Variants in SORBS2 observed in about 807,000 individuals in gnomAD.
SORBS2 encodes the protein sorbin and SH3 domain-containing protein 2.
A neutral mutation model predicts 97.7 loss-of-function variants in SORBS2; 46 were observed. The observed-to-expected ratio is 0.47, with a 90% confidence interval of 0.37 to 0.60. The LOEUF is 0.60. Ranked by LOEUF, SORBS2 falls within the 20% of genes least tolerant of loss-of-function variation. SORBS2 has a pLI of 0.00. For missense variants in SORBS2, 1,316 were observed against 1,282.3 expected (o/e 1.03, Z -0.40); for synonymous variants, 476 against 473.4 (o/e 1.01, Z -0.07).
At position 185,850,973 on chromosome 4, in the gene SORBS2, G is replaced by A. The variant is rs547761760; in HGVS notation, c.-337-75607C>T. On this transcript the variant is annotated intron_variant, in intron 1 of 20. Transcript: ENST00000284776. ...ACCTATCTATCTCCCGCCCTCAGATGTTGGTGCTTCTGGTTCTTGGGCTCT... is the reference window on the plus strand; with the variant it reads ...ACCTATCTATCTCCCGCCCTCAGATATTGGTGCTTCTGGTTCTTGGGCTCT... 1.1e-3 allele frequency among the ~76,000 whole-genome samples: 163 copies of A among 152,296 alleles called. 1 individual carries two copies. The highest frequency in any genetic ancestry group is 6.6e-4 in the Non-Finnish European group (45 of 68,032).
chr4:185,677,150 A>G (rs759679979), intron 4 of SORBS2: 2 of 1,551,704 alleles, frequency 1.3e-6, no homozygotes, highest in South Asian at 2.4e-5. Flanking sequence ...GAATGGAAAG[A>G]GATGCTGTGT....
intron 2 of SORBS2, among the ~76,000 whole-genome samples, chr4:185,767,381 T>A (rs2098941073): frequency 7.2e-6 from 1 of 138,718 alleles, no homozygotes. Context: ...GCGCCTGTAG[T>A]TCCAGTTACT....
chr4:185,937,319 T>C (rs1265278231), intron 1 of SORBS2, among the ~76,000 whole-genome samples: 2 of 152,222 alleles, frequency 1.3e-5, no homozygotes, highest in African/African-American at 4.8e-5. Flanking sequence ...GGCAATTTCT[T>C]GAAACTTCTG....
chr4:185,762,354 T>C (rs2098900492), intron 2 of SORBS2, among the ~76,000 whole-genome samples: 1 of 152,150 alleles, frequency 6.6e-6, no homozygotes, highest in African/African-American at 2.4e-5. Flanking sequence ...TTCTTGGAAA[T>C]GTGAGTCTGG....
chr4:185,942,985 A>G (rs1001564937), intron 1 of SORBS2, among the ~76,000 whole-genome samples: 5 of 152,224 alleles, frequency 3.3e-5, no homozygotes, highest in South Asian at 2.1e-4. Flanking sequence ...AATAATTAGG[A>G]TATGAGAAAA....
chr4:185,639,071 G>T, intron 4 of SORBS2, 36 bp from the exon 14 acceptor site: 1 of 1,492,674 alleles, frequency 6.7e-7, no homozygotes, highest in Non-Finnish European at 8.9e-7. Context: ...TGGTTCATTA[G>T]ATGGAGGCTC....
intron 1 of SORBS2, among the ~76,000 whole-genome samples, chr4:185,923,407 C>T (rs1394451815): frequency 6.6e-6 from 1 of 151,894 alleles, no homozygotes; most frequent in South Asian, 2.1e-4. Flanking sequence ...ATCCTCCTGC[C>T]TCAGCCTCCT....
chr4:185,786,560 G>A (rs1024966739), intron 1 of SORBS2, among the ~76,000 whole-genome samples: 1 of 152,198 alleles, frequency 6.6e-6, no homozygotes, highest in African/African-American at 2.4e-5. Context: ...AAGAACTGAG[G>A]GTTTGGAACC....
chr4:185,720,388 A>G (rs1047012989), intron 2 of SORBS2, among the ~76,000 whole-genome samples: 5 of 152,208 alleles, frequency 3.3e-5, no homozygotes, highest in African/African-American at 9.6e-5. Context: ...ATTTTACATT[A>G]AACTCTGTAT....
intron 1 of SORBS2, among the ~76,000 whole-genome samples, chr4:185,891,190 G>A (rs545818706): frequency 2.0e-5 from 3 of 152,258 alleles, no homozygotes; most frequent in South Asian, 2.1e-4. Flanking sequence ...AAAAAAGTAA[G>A]TGGACTTTAG....
At chr4:185,590,603 T>C (rs1326123298) in intron 13 of SORBS2, among the ~76,000 whole-genome samples, 1 of 152,190 alleles carries the variant, frequency 6.6e-6, no homozygotes, top group African/African-American at 2.4e-5. Flanking sequence ...TAAAAAAGAA[T>C]TATTGATAGA....
At chr4:185,752,293 T>A (rs2098804994) in intron 2 of SORBS2, among the ~76,000 whole-genome samples, 1 of 152,198 alleles carries the variant, frequency 6.6e-6, no homozygotes, top group Non-Finnish European at 1.5e-5. Flanking sequence ...TTTACTTATA[T>A]GAGACAGAGT....
intron 1 of SORBS2, among the ~76,000 whole-genome samples, chr4:185,831,124 C>T (rs568013681): frequency 5.3e-5 from 8 of 152,258 alleles, no homozygotes; most frequent in African/African-American, 1.7e-4. Context: ...TACACTTGAT[C>T]GTACACTCTA....
intron 1 of SORBS2, among the ~76,000 whole-genome samples, chr4:185,890,176 C>A (rs192394590): frequency 2.0e-5 from 3 of 152,292 alleles, no homozygotes; most frequent in Admixed American, 6.5e-5. Context: ...TGTGAGCCAC[C>A]GCACCTGGAC....
chr4:185,908,639 T>C (rs1444987486), intron 1 of SORBS2, among the ~76,000 whole-genome samples: 5 of 151,826 alleles, frequency 3.3e-5, no homozygotes, highest in Middle Eastern at 3.2e-3. Flanking sequence ...CAGGAGACAA[T>C]CTTCTAGACC....
chr4:185,915,553 A>G (rs1285192963), intron 1 of SORBS2, among the ~76,000 whole-genome samples: 2 of 151,894 alleles, frequency 1.3e-5, no homozygotes, highest in East Asian at 3.9e-4. Flanking sequence ...TTTGACATCT[A>G]TTTTTCTGCT....
intron 1 of SORBS2, among the ~76,000 whole-genome samples, chr4:185,804,439 A>G (rs999898500): frequency 1.3e-5 from 2 of 152,242 alleles, no homozygotes; most frequent in African/African-American, 4.8e-5. Context: ...ACACTTCATT[A>G]ACATGATATA....
rs921000875 is a variant in SORBS2 at position 185,651,880 on chromosome 4, A to G, written c.91+782T>C. 3.3e-6 allele frequency: 3 copies of G among 901,388 alleles called. No homozygotes were observed. The African/African-American group carries it at 5.0e-5, about 15-fold the overall frequency. The allele number at this position is 901,388 out of a possible 1,614,324, so 55.8% of individuals were successfully genotyped here. ...GTAATATAGATTGTCACCAAAGGAC[A>G]ACGAGACAGCAGAACTTCAGACAAA... is the stretch of plus-strand genomic sequence containing the variant. On this transcript the variant is annotated intron_variant, in intron 2 of 14. Coordinates refer to ENST00000418609, the Ensembl canonical transcript of SORBS2.
At chr4:185,742,981 G>A (rs1213058527) in intron 2 of SORBS2, among the ~76,000 whole-genome samples, 2 of 152,134 alleles carry the variant, frequency 1.3e-5, no homozygotes, top group African/African-American at 2.4e-5. Flanking sequence ...CGGGCACAGC[G>A]AATGCACCTC....
Sources: gnomAD v4.1 joint callset for allele counts (sites outside exome capture counted in the v4.1 genomes callset) on GRCh38, gnomAD v4.1.1 for gene constraint, MANE v1.5 for transcripts, NCBI Gene and HGNC (gene_info 2026-07-23, HGNC 2026-07-21) for gene names.